The following SRF variants were observed in gnomAD, a reference collection of about 807,000 sequenced individuals.
SRF encodes the protein serum response factor, also known as c-fos serum response element-binding transcription factor.
A neutral mutation model predicts 37.1 loss-of-function variants in SRF; 7 were observed. The ratio of observed to expected loss-of-function variants is 0.19; its 90% confidence interval spans 0.11 to 0.35. The LOEUF is 0.35. Among genes scored for constraint, SRF ranks in the 10% least tolerant of loss-of-function variants. SRF has a pLI of 1.00. For missense variants in SRF, 395 were observed against 694.4 expected (o/e 0.57, Z 4.85); for synonymous variants, 285 against 310.1 (o/e 0.92, Z 0.85).
Position 43,179,459 on chromosome 6 carries a change from A to C in SRF, c.*269A>C. The stretch of plus-strand genomic sequence containing the variant: ...TCCTCCTTCCTGGGACCCCCTCGCC[A>C]GCTTGGCTCGATGTTTGCCATGAGT... On this transcript the variant is annotated 3_prime_UTR_variant, in exon 7 of 7. Coordinates refer to ENST00000265354, the MANE Select transcript of SRF (RefSeq NM_003131.4). This position sits in a 1 kb window ranked among gnomAD's most constrained non-coding sequence, Gnocchi z 5.3. 1.9e-6 allele frequency: 1 copy of C among 515,984 alleles called. No homozygotes were observed. The highest frequency in any genetic ancestry group is 3.5e-6 in the Non-Finnish European group (1 of 282,396). The allele number at this position is 515,984 out of a possible 1,614,324, so 32.0% of individuals were successfully genotyped here.
Position 43,178,852 on chromosome 6 carries a change from G to C in SRF, c.1401G>C (p.Gln467His), listed in dbSNP as rs1321079336. Residue 467 changes from glutamine to histidine, a missense_variant, in exon 6 of 7, where the codon CAG becomes CAC. This residue lies in a region of SRF where 232 missense variants were observed against 335.6 expected (regional missense o/e 0.69). Coordinates refer to ENST00000265354, the MANE Select transcript of SRF (RefSeq NM_003131.4). This position sits in a 1 kb window ranked among gnomAD's most constrained non-coding sequence, Gnocchi z 4.3. ...VFLTASSGTV[Q>H]IPVSAVQLHQ... The stretch of plus-strand genomic sequence containing the variant: ...TGACAGCATCATCTGGGACAGTGCA[G>C]ATCCCTGTTTCAGCAGTTCAGCTCC... The C allele has an allele frequency of 6.2e-7, 1 of 1,614,136 alleles. No homozygotes were observed. The highest frequency in any genetic ancestry group is 8.5e-7 in the Non-Finnish European group (1 of 1,180,058).
chr6:43,171,621 C>T lies in SRF; in HGVS notation c.-36C>T. 6 of 1,191,790 alleles carry T rather than the reference C, an allele frequency of 5.0e-6. No individual in the cohort carries two copies. Among genetic ancestry groups the T allele is most frequent in the East Asian group, 3.5e-5 (1 of 28,202 alleles). 73.8% of individuals were successfully genotyped at this position (1,191,790 alleles called of 1,614,324 possible). A position where few individuals can be genotyped will look rare whatever the true frequency, so the allele number is the denominator to read the frequency against. ...GGCGGCTGCGGCGGCTCCGATTCCTCGCTGACTGCCCGTCCGCCCTCCTGC... is the reference window on the plus strand; with the variant it reads ...GGCGGCTGCGGCGGCTCCGATTCCTTGCTGACTGCCCGTCCGCCCTCCTGC... On this transcript the variant is annotated 5_prime_UTR_variant, in exon 1 of 7. Transcript: ENST00000265354. The surrounding 1 kb of genome is among the most constrained non-coding windows in gnomAD (Gnocchi z 6.5).
rs944660204 is a variant in SRF at position 43,176,461 on chromosome 6, A to G, written c.1043-87A>G. On this transcript the variant is annotated intron_variant, in intron 3 of 6. Transcript: ENST00000265354. This position sits in a 1 kb window ranked among gnomAD's most constrained non-coding sequence, Gnocchi z 4.0. Reference sequence around the variant, plus strand: ...GATGGGAGTTGGAGACCAGTGTGCCAGACCCTGGGACTGGGGTGTCCATGG... The same window carrying G: ...GATGGGAGTTGGAGACCAGTGTGCCGGACCCTGGGACTGGGGTGTCCATGG... The G allele has an allele frequency of 7.0e-6, 11 of 1,563,428 alleles. No individual in the cohort carries two copies. The highest frequency in any genetic ancestry group is 3.5e-4 in the Middle Eastern group (2 of 5,668).
rs759104795 is a variant in SRF at position 43,175,807 on chromosome 6, C to A, written c.882C>A (p.Gly294=). The A allele has an allele frequency of 9.3e-6, 15 of 1,614,244 alleles. No homozygotes were observed. The South Asian group carries it at 1.5e-4, about 17-fold the overall frequency. ...STSTTMQVSS[G]PSFPITNYLA... is the part of the protein sequence containing the mutation. ...CTACCACCATGCAAGTCAGCAGCGG[C>A]CCCTCCTTTCCCATCACCAACTACC... Residue 294 remains glycine, a synonymous_variant, in exon 3 of 7, where the codon GGC becomes GGA. Transcript: ENST00000265354.
At chr6:43,177,666 A>T (rs568132894) in intron 4 of SRF, among the ~76,000 whole-genome samples, 12 of 151,430 alleles carry the variant, frequency 7.9e-5, no homozygotes, top group African/African-American at 2.7e-4. Context: ...CTGTAATCCC[A>T]GCGCTTTGGG....
chr6:43,175,716 A>C lies in SRF; in HGVS notation c.791A>C (p.Lys264Thr), dbSNP rs760171428. ...DSSGETKDTL[K>T]PAFTVTNLPG... ...TTACTCTGGGTATAGGACACACTGA[A>C]GCCGGCGTTCACAGTCACCAACCTG... Residue 264 changes from lysine to threonine, a missense_variant, in exon 3 of 7, where the codon AAG becomes ACG. Coordinates refer to ENST00000265354, the MANE Select transcript of SRF (RefSeq NM_003131.4). 1.2e-6 allele frequency: 2 copies of C among 1,614,178 alleles called. No homozygotes were observed. The highest frequency in any genetic ancestry group is 1.7e-6 in the Non-Finnish European group (2 of 1,180,038).
chr6:43,171,592 T>C lies in SRF; in HGVS notation c.-65T>C. The C allele has an allele frequency of 8.5e-7, 1 of 1,176,366 alleles. No individual in the cohort carries two copies. Among genetic ancestry groups the C allele is most frequent in the Non-Finnish European group, 1.1e-6 (1 of 950,264 alleles). 72.9% of individuals were successfully genotyped at this position (1,176,366 alleles called of 1,614,324 possible). A position where few individuals can be genotyped will look rare whatever the true frequency, so the allele number is the denominator to read the frequency against. ...GTGCCGGGTTGAGCCGGGAAGCCGA[T>C]GGCGGCGGCTGCGGCGGCTCCGATT... is the stretch of plus-strand genomic sequence containing the variant. On this transcript the variant is annotated 5_prime_UTR_variant, in exon 1 of 7. The change abolishes an upstream ATG in the 5' untranslated region. Transcript: ENST00000265354. This position sits in a 1 kb window ranked among gnomAD's most constrained non-coding sequence, Gnocchi z 6.5.
In SRF at chr6:43,176,568, G is replaced by A; in HGVS notation, c.1063G>A (p.Val355Ile). ...TGCAGGTGGGGCAGTGGCCCAGCAG[G>A]TCCCAGTGCAGGCCATTCAAGTGCA... is the stretch of plus-strand genomic sequence containing the variant. Reference protein sequence around the residue: ...LMPGGAVAQQVPVQAIQVHQA... With the variant: ...LMPGGAVAQQIPVQAIQVHQA... Residue 355 changes from valine (V) to isoleucine (I), a missense_variant, in exon 4 of 7, where the codon GTC becomes ATC. Physicochemically the swap from Val to Ile is conservative, Grantham distance 29. Transcript: ENST00000265354. The surrounding 1 kb of genome is among the most constrained non-coding windows in gnomAD (Gnocchi z 4.0). 6.2e-7 allele frequency: 1 copy of A among 1,614,150 alleles called. No individual in the cohort carries two copies. The highest frequency in any genetic ancestry group is 8.5e-7 in the Non-Finnish European group (1 of 1,180,010).
chr6:43,174,762 G>A (rs868245703), intron 2 of SRF, among the ~76,000 whole-genome samples: 44 of 152,310 alleles, frequency 2.9e-4, no homozygotes, highest in African/African-American at 9.9e-4. Context: ...CCTTAGCAAC[G>A]CCTCTGCCAA....
In SRF at chr6:43,176,451, C is replaced by G. The variant is rs1224998945; in HGVS notation, c.1043-97C>G. 1.9e-6 allele frequency: 3 copies of G among 1,543,994 alleles called. No individual in the cohort carries two copies. Among genetic ancestry groups the G allele is most frequent in the Non-Finnish European group, 2.6e-6 (3 of 1,135,454 alleles). On this transcript the variant is annotated intron_variant, in intron 3 of 6. Transcript: ENST00000265354. This position sits in a 1 kb window ranked among gnomAD's most constrained non-coding sequence, Gnocchi z 4.0. ...GAAAGATAGTGATGGGAGTTGGAGA[C>G]CAGTGTGCCAGACCCTGGGACTGGG...
chr6:43,176,056 C>T lies in SRF; in HGVS notation c.1042+89C>T. On this transcript the variant is annotated intron_variant, in intron 3 of 6. Transcript: ENST00000265354. The surrounding 1 kb of genome is among the most constrained non-coding windows in gnomAD (Gnocchi z 4.0). ...TGTTTAGGGCTGGCACCAAGAGAAC[C>T]TCTTTCCCTGCTCAGAAGGAAGGTG... 1 of 1,518,454 alleles carries T rather than the reference C, an allele frequency of 6.6e-7. No homozygotes were observed. Among genetic ancestry groups the T allele is most frequent in the Non-Finnish European group, 8.9e-7 (1 of 1,129,752 alleles). The allele number at this position is 1,518,454 out of a possible 1,614,324, so 94.1% of individuals were successfully genotyped here. A position where few individuals can be genotyped will look rare whatever the true frequency, so the allele number is the denominator to read the frequency against.
In SRF at chr6:43,172,620, C is replaced by T. The variant is rs930202355; in HGVS notation, c.513+451C>T. On this transcript the variant is annotated intron_variant, in intron 1 of 6. Transcript: ENST00000265354. This position sits in a 1 kb window ranked among gnomAD's most constrained non-coding sequence, Gnocchi z 5.7. ...GCTGGAGCTGCATGACAACAATGAGCGAACATGTGTGGGAGGAAGTGGGCA... is the reference window on the plus strand; with the variant it reads ...GCTGGAGCTGCATGACAACAATGAGTGAACATGTGTGGGAGGAAGTGGGCA... 5.9e-5 allele frequency among the ~76,000 whole-genome samples: 9 copies of T among 152,058 alleles called. No homozygotes were observed. The highest frequency in any genetic ancestry group is 1.3e-4 in the Non-Finnish European group (9 of 68,012).
chr6:43,177,192 C>T lies in SRF; in HGVS notation c.1162+525C>T, dbSNP rs1398501961. 6.0e-5 allele frequency among the ~76,000 whole-genome samples: 9 copies of T among 149,906 alleles called. No homozygotes were observed. The East Asian group carries it at 1.8e-3, about 29-fold the overall frequency. ...TGGGAGCTTGTTGGAAATACAGAAT[C>T]TTGAGTCTCACCCCAAACCTAGTGA... On this transcript the variant is annotated intron_variant, in intron 4 of 6. Coordinates refer to ENST00000265354, the MANE Select transcript of SRF (RefSeq NM_003131.4).
At chr6:43,175,610 C>T in intron 2 of SRF, 96 bp from the exon 3 acceptor site, 1 of 1,526,640 alleles carries the variant, frequency 6.6e-7, no homozygotes, top group Non-Finnish European at 9.0e-7. Context: ...TGAACCCAAG[C>T]TCACTGGTTT....
In SRF at chr6:43,180,088, T is replaced by C. The variant is rs1383716646; in HGVS notation, c.*898T>C. 2 of 151,038 alleles carry C rather than the reference T, an allele frequency of 1.3e-5. No homozygotes were observed. Among genetic ancestry groups the C allele is most frequent in the Admixed American group, 6.6e-5 (1 of 15,224 alleles). The allele number at this position is 151,038 out of a possible 1,614,324, so 9.4% of individuals were successfully genotyped here. On this transcript the variant is annotated 3_prime_UTR_variant, in exon 7 of 7. Coordinates refer to ENST00000265354, the MANE Select transcript of SRF (RefSeq NM_003131.4). Reference sequence around the variant, plus strand: ...ACCCCATGAGCTCGGGGTCCACCAGTGTGTGGGGGAGATTCTGGGTTTGCC... The same window carrying C: ...ACCCCATGAGCTCGGGGTCCACCAGCGTGTGGGGGAGATTCTGGGTTTGCC...
At position 43,178,819 on chromosome 6, in the gene SRF, G is replaced by A; in HGVS notation, c.1368G>A (p.Gln456=). Residue 456 remains glutamine, a synonymous_variant, in exon 6 of 7, where the codon CAG becomes CAA. Coordinates refer to ENST00000265354, the MANE Select transcript of SRF (RefSeq NM_003131.4). This position sits in a 1 kb window ranked among gnomAD's most constrained non-coding sequence, Gnocchi z 4.3. ...SQVQEPGGVP[Q]VFLTASSGTV... Reference sequence around the variant, plus strand: ...TTTCCAATGTAGGTGGCGTCCCCCAGGTGTTCCTGACAGCATCATCTGGGA... The same window carrying A: ...TTTCCAATGTAGGTGGCGTCCCCCAAGTGTTCCTGACAGCATCATCTGGGA... 6.2e-7 allele frequency: 1 copy of A among 1,614,148 alleles called. No individual in the cohort carries two copies. The highest frequency in any genetic ancestry group is 8.5e-7 in the Non-Finnish European group (1 of 1,180,006).
At position 43,173,814 on chromosome 6, in the gene SRF, G is replaced by T; in HGVS notation, c.514-33G>T. Reference sequence around the variant, plus strand: ...CAAGGAAGGTAGAGATAAAAAGTTTGCTGACCTGCCCATCTCCCTCCTCAC... The same window carrying T: ...CAAGGAAGGTAGAGATAAAAAGTTTTCTGACCTGCCCATCTCCCTCCTCAC... On this transcript the variant is annotated intron_variant, in intron 1 of 6. Transcript: ENST00000265354. The surrounding 1 kb of genome is among the most constrained non-coding windows in gnomAD (Gnocchi z 4.2). 3 of 1,596,986 alleles carry T rather than the reference G, an allele frequency of 1.9e-6. No individual in the cohort carries two copies. The highest frequency in any genetic ancestry group is 2.6e-6 in the Non-Finnish European group (3 of 1,169,672).
chr6:43,174,145 A>G, intron 2 of SRF, 32 bp downstream of exon 2: 1 of 1,610,232 alleles, frequency 6.2e-7, no homozygotes, highest in Non-Finnish European at 8.5e-7. Flanking sequence ...GAGAGGAGGG[A>G]AGGGAGTGGG....
Position 43,171,511 on chromosome 6 carries a change from G to T in SRF, c.-146G>T. 1.1e-6 allele frequency: 1 copy of T among 932,592 alleles called. No individual in the cohort carries two copies. The highest frequency in any genetic ancestry group is 5.3e-5 in the South Asian group (1 of 19,000). The allele number at this position is 932,592 out of a possible 1,614,324, so 57.8% of individuals were successfully genotyped here. On this transcript the variant is annotated 5_prime_UTR_variant, in exon 1 of 7. Transcript: ENST00000265354. This position sits in a 1 kb window ranked among gnomAD's most constrained non-coding sequence, Gnocchi z 6.5. Reference sequence around the variant, plus strand: ...CCCAGGTCGGCCCGGGCGTGCAGGGGCCCCGGGTTCGCAGCGGCGGCCGCG... The same window carrying T: ...CCCAGGTCGGCCCGGGCGTGCAGGGTCCCCGGGTTCGCAGCGGCGGCCGCG...
Sources: allele counts gnomAD v4.1 joint callset (sites outside exome capture counted in the v4.1 genomes callset), GRCh38; gene constraint gnomAD v4.1.1; regional missense constraint gnomAD v4.1.1; non-coding constraint Gnocchi (gnomAD v3.1); transcripts MANE v1.5; gene names NCBI Gene and HGNC (gene_info 2026-07-23, HGNC 2026-07-21).